The following PRKAR2A variants were observed in gnomAD, a reference collection of about 807,000 sequenced individuals.
PRKAR2A encodes the protein cAMP-dependent protein kinase type II-alpha regulatory subunit.
In PRKAR2A, 29 loss-of-function variants were observed where a neutral mutation model predicts 51.9. The observed-to-expected ratio is 0.56, with a 90% CI of 0.42 to 0.76. The LOEUF (loss-of-function observed/expected upper bound fraction) is 0.76. Ranked by LOEUF, PRKAR2A falls within the 30% of genes least tolerant of loss-of-function variation. PRKAR2A has a pLI of 0.00. For missense variants in PRKAR2A, 445 were observed against 512.1 expected, an observed-to-expected ratio of 0.87 and a Z score of 1.26; for synonymous variants, 178 against 186.2, an observed-to-expected ratio of 0.96 and a Z score of 0.36.
Position 48,751,437 on chromosome 3 carries a change from C to G in PRKAR2A, c.*148G>C. ...CTGCCCATCCTTTAGTGCTGACTTTCAAGTTTTCTAAATGCCCATAACCAC... is the reference window on the plus strand; with the variant it reads ...CTGCCCATCCTTTAGTGCTGACTTTGAAGTTTTCTAAATGCCCATAACCAC... On this transcript the variant is annotated 3_prime_UTR_variant, in exon 11 of 11. Coordinates refer to ENST00000265563, the MANE Select transcript of PRKAR2A (RefSeq NM_004157.4). 8.2e-7 allele frequency: 1 copy of G among 1,221,514 alleles called. No individual in the cohort carries two copies. Among genetic ancestry groups the G allele is most frequent in the Non-Finnish European group, 1.2e-6 (1 of 850,290 alleles). The allele number at this position is 1,221,514 out of a possible 1,614,324, so 75.7% of individuals were successfully genotyped here.
intron 1 of PRKAR2A, among the ~76,000 whole-genome samples, chr3:48,829,755 T>G (rs2083147533): frequency 7.1e-6 from 1 of 140,304 alleles, no homozygotes; most frequent in African/African-American, 2.6e-5. Flanking sequence ...GCATATATTT[T>G]ATATACATAC....
At chr3:48,765,441 A>C (rs1005245109) in intron 6 of PRKAR2A, 92 bp from the exon 7 acceptor site, 1 of 829,828 alleles carries the variant, frequency 1.2e-6, no homozygotes, top group Non-Finnish European at 1.9e-6. Context: ...TTAGAGGAAT[A>C]TGTAAGTTAC....
At chr3:48,796,425 C>T (rs2082491864) in intron 2 of PRKAR2A, among the ~76,000 whole-genome samples, 2 of 152,114 alleles carry the variant, frequency 1.3e-5, no homozygotes, top group African/African-American at 4.8e-5. Flanking sequence ...AACAACTGTC[C>T]TTTCTTCCCA....
rs538377489 is a variant in PRKAR2A at position 48,798,697 on chromosome 3, G to A, written c.299-4648C>T. On this transcript the variant is annotated intron_variant, in intron 2 of 10. Coordinates refer to ENST00000265563, the MANE Select transcript of PRKAR2A (RefSeq NM_004157.4). ...TTTTTTTTTGAGAGTCTCACACTCC[G>A]TCACCCATGCTGGTATGCAGTGGCA... Among the ~76,000 whole-genome samples, 55 of 144,092 alleles carry A rather than the reference G, an allele frequency of 3.8e-4. 1 individual carries two copies. In the South Asian group the frequency reaches 8.2e-3, roughly 22 times the overall value. 94.5% of individuals were successfully genotyped at this position (144,092 alleles called of 152,430 possible).
At chr3:48,751,824 G>T in intron 10 of PRKAR2A, 106 bp from the exon 11 acceptor site, 1 of 1,323,880 alleles carries the variant, frequency 7.6e-7, no homozygotes, top group Non-Finnish European at 1.0e-6. Context: ...TTACGCCTTG[G>T]GACACCAGCC....
At chr3:48,816,074 C>T (rs1191085362) in intron 1 of PRKAR2A, among the ~76,000 whole-genome samples, 1 of 151,608 alleles carries the variant, frequency 6.6e-6, no homozygotes, top group Non-Finnish European at 1.5e-5. Context: ...TAATACTTCT[C>T]CAACCTTGCC....
At chr3:48,763,749 T>G (rs1285510338) in intron 8 of PRKAR2A, among the ~76,000 whole-genome samples, 5 of 152,226 alleles carry the variant, frequency 3.3e-5, no homozygotes. Flanking sequence ...CCATATGTAT[T>G]ACTTCCATTT....
chr3:48,776,191 T>C (rs2082102221), intron 5 of PRKAR2A, among the ~76,000 whole-genome samples: 1 of 152,070 alleles, frequency 6.6e-6, no homozygotes, highest in Non-Finnish European at 1.5e-5. Context: ...TATTCAGAAC[T>C]GACAAGCATT....
At chr3:48,840,563 TCAC>T (rs2083361114) in intron 1 of PRKAR2A, among the ~76,000 whole-genome samples, 2 of 146,064 alleles carry the variant, frequency 1.4e-5, no homozygotes, top group Non-Finnish European at 3.0e-5. Flanking sequence ...TGGTTTGTTT[TCAC>T]CTTTTTTTTT....
intron 1 of PRKAR2A, among the ~76,000 whole-genome samples, chr3:48,821,674 T>G (rs764538994): frequency 1.7e-3 from 257 of 152,182 alleles, no homozygotes; most frequent in Non-Finnish European, 2.8e-3. Context: ...TCCCAGCACT[T>G]TGGGAGGCCG....
chr3:48,771,169 G>A (rs890206312), intron 6 of PRKAR2A, among the ~76,000 whole-genome samples: 1 of 151,986 alleles, frequency 6.6e-6, no homozygotes, highest in Non-Finnish European at 1.5e-5. Context: ...AGGAGGCAGA[G>A]GTTGCAGTGA....
rs1006499246 is a variant in PRKAR2A, at chr3:48,823,320, CG to C, written c.263-15637del. Among the ~76,000 whole-genome samples the C allele has an allele frequency of 4.3e-4, 65 of 151,516 alleles. 1 individual carries two copies. Among genetic ancestry groups the C allele is most frequent in the Middle Eastern group, 6.8e-3 (2 of 294 alleles). ...TGGGACTGGTGTCTAAAGGGGGTGTCGGGGGGGTGCTGTCTTACGGGTTGAG... is the reference window on the plus strand; with the variant it reads ...TGGGACTGGTGTCTAAAGGGGGTGTCGGGGGGTGCTGTCTTACGGGTTGAG... On this transcript the variant is annotated intron_variant, in intron 1 of 10. Coordinates refer to ENST00000265563, the MANE Select transcript of PRKAR2A (RefSeq NM_004157.4).
At chr3:48,764,943 T>C (rs2081916913) in intron 8 of PRKAR2A, 61 bp downstream of exon 8, 2 of 1,460,586 alleles carry the variant, frequency 1.4e-6, no homozygotes, top group Non-Finnish European at 1.9e-6. Flanking sequence ...TTGAGATAAA[T>C]GATGTACTAG....
intron 10 of PRKAR2A, among the ~76,000 whole-genome samples, chr3:48,751,951 C>A (rs2081654990): frequency 6.6e-6 from 1 of 152,160 alleles, no homozygotes; most frequent in Non-Finnish European, 1.5e-5. Flanking sequence ...GACATCAGTT[C>A]TTTTCATACG....
chr3:48,781,115 C>T (rs1186444207), intron 5 of PRKAR2A, among the ~76,000 whole-genome samples: 1 of 149,022 alleles, frequency 6.7e-6, no homozygotes, highest in Non-Finnish European at 1.5e-5. Flanking sequence ...GGACCACAGG[C>T]GTGCACCACC....
intron 3 of PRKAR2A, among the ~76,000 whole-genome samples, chr3:48,792,429 C>T (rs1279822609): frequency 5.5e-5 from 8 of 144,814 alleles, no homozygotes; most frequent in African/African-American, 1.0e-4. Flanking sequence ...TGTGAGCCAC[C>T]GTGACTGGCC....
At chr3:48,828,495 A>C (rs1456201110) in intron 1 of PRKAR2A, among the ~76,000 whole-genome samples, 1 of 151,446 alleles carries the variant, frequency 6.6e-6, no homozygotes, top group African/African-American at 2.4e-5. Context: ...AGGCAGGAGA[A>C]TTGCTTGAGC....
In PRKAR2A at chr3:48,752,214, G is replaced by C. The variant is rs763603716; in HGVS notation, c.1043C>G (p.Ala348Gly). ...ELALVTNKPR[A>G]ASAYAVGDVK... ...ATCTCCAACTGCATAAGCTGAGGCA[G>C]CTCTGGGTTTGTTGGTGACCAGGGC... The change falls in exon 10 of 11, where the codon GCT becomes GGT. Residue 348 changes from alanine to glycine, a missense_variant. Coordinates refer to ENST00000265563, the MANE Select transcript of PRKAR2A (RefSeq NM_004157.4). The C allele has an allele frequency of 8.1e-6, 13 of 1,614,216 alleles. No individual in the cohort carries two copies. The highest frequency in any genetic ancestry group is 1.0e-5 in the Non-Finnish European group (12 of 1,180,028).
chr3:48,831,971 G>A (rs995007724), intron 1 of PRKAR2A, among the ~76,000 whole-genome samples: 1 of 152,192 alleles, frequency 6.6e-6, no homozygotes, highest in South Asian at 2.1e-4. Flanking sequence ...CTTTGCACAC[G>A]TATCTTGTGG....
Sources: allele counts gnomAD v4.1 joint callset (sites outside exome capture counted in the v4.1 genomes callset), GRCh38; gene constraint gnomAD v4.1.1; transcripts MANE v1.5; gene names NCBI Gene and HGNC (gene_info 2026-07-23, HGNC 2026-07-21).